SLC4A4: variants seen among roughly 807,000 people sequenced by gnomAD.
The protein encoded by SLC4A4 is solute carrier family 4 member 4.
In SLC4A4, 27 loss-of-function variants were observed where a neutral mutation model predicts 111.5. That is an observed-to-expected ratio of 0.24 (90% CI 0.18 to 0.33). The LOEUF (loss-of-function observed/expected upper bound fraction) is 0.33. Ranked by LOEUF, SLC4A4 falls within the 10% of genes least tolerant of loss-of-function variation. The pLI is 1.00. For missense variants in SLC4A4, 909 were observed against 1,315.5 expected (o/e 0.69, Z 4.78); for synonymous variants, 443 against 463.4 (o/e 0.96, Z 0.57).
At chr4:71,070,124 C>T (rs1337911316) in intron 1 of SLC4A4, among the ~76,000 whole-genome samples, 2 of 152,114 alleles carry the variant, frequency 1.3e-5, no homozygotes, top group East Asian at 1.9e-4. Flanking sequence ...TGAGTGGCAC[C>T]TGGAAGATAC....
intron 24 of SLC4A4, among the ~76,000 whole-genome samples, chr4:71,565,982 C>G (rs977574877): frequency 7.9e-5 from 12 of 151,748 alleles, no homozygotes; most frequent in Non-Finnish European, 1.5e-4. Context: ...AGTAACGGAC[C>G]ATTACTTCTG....
chr4:71,103,056 A>G (rs1425862854), intron 2 of SLC4A4, among the ~76,000 whole-genome samples: 1 of 151,668 alleles, frequency 6.6e-6, no homozygotes. Flanking sequence ...CATAGGCTCA[A>G]AATAAAAGGT....
At chr4:71,337,551 A>G (rs565127565) in intron 3 of SLC4A4, among the ~76,000 whole-genome samples, 1 of 152,142 alleles carries the variant, frequency 6.6e-6, no homozygotes, top group Non-Finnish European at 1.5e-5. Flanking sequence ...TGCTAGAATG[A>G]TCACCTCTGT....
At chr4:71,089,982 C>T (rs1465438417) in intron 1 of SLC4A4, among the ~76,000 whole-genome samples, 1 of 148,066 alleles carries the variant, frequency 6.8e-6, no homozygotes. Context: ...TGGCTATGCC[C>T]TGCCCCCAGA....
chr4:71,359,011 G>A (rs1730528195), intron 6 of SLC4A4, among the ~76,000 whole-genome samples: 1 of 152,150 alleles, frequency 6.6e-6, no homozygotes, highest in Non-Finnish European at 1.5e-5. Context: ...AAAAAGAAGT[G>A]GAATGAATAT....
At chr4:71,388,480 T>C (rs1238727730) in intron 6 of SLC4A4, among the ~76,000 whole-genome samples, 2 of 152,210 alleles carry the variant, frequency 1.3e-5, no homozygotes, top group African/African-American at 4.8e-5. Context: ...TGTATGTGTT[T>C]GTGAGAAAGA....
At chr4:71,258,945 A>G (rs1490591421) in intron 3 of SLC4A4, among the ~76,000 whole-genome samples, 2 of 152,196 alleles carry the variant, frequency 1.3e-5, no homozygotes, top group Non-Finnish European at 2.9e-5. Context: ...TCCACAGAGC[A>G]GGCAGCCCCC....
At chr4:71,276,229 C>T (rs769456073) in intron 3 of SLC4A4, among the ~76,000 whole-genome samples, 3 of 152,188 alleles carry the variant, frequency 2.0e-5, no homozygotes, top group Non-Finnish European at 4.4e-5. Flanking sequence ...TCCTTCAGTC[C>T]ATTTCCCCAA....
chr4:71,514,240 AT>A (rs945685959), intron 16 of SLC4A4, among the ~76,000 whole-genome samples: 4 of 152,158 alleles, frequency 2.6e-5, no homozygotes, highest in Non-Finnish European at 5.9e-5. Flanking sequence ...GGGTTGGATT[AT>A]GGGAGCAAAT....
rs548895037 is a variant in SLC4A4, at chr4:71,420,214, T to A, written c.808-20402T>A. Among the ~76,000 whole-genome samples, 29 of 152,218 alleles carry A rather than the reference T, an allele frequency of 1.9e-4. 1 individual carries two copies. In the South Asian group the frequency reaches 6.0e-3, roughly 32 times the overall value. ...GCAGAAGCCTCAGGAGCCAATGCAA[T>A]CAACTGGAAGAAAGGGTATCAGTGA... On this transcript the variant is annotated intron_variant, in intron 7 of 25. Coordinates refer to ENST00000264485, the MANE Select transcript of SLC4A4 (RefSeq NM_001098484.3).
At chr4:71,242,710 AC>A (rs1720342150) in intron 2 of SLC4A4, among the ~76,000 whole-genome samples, 3 of 151,150 alleles carry the variant, frequency 2.0e-5, no homozygotes, top group African/African-American at 7.3e-5. Context: ...TCTTTTAATT[AC>A]TTAATTAATT....
intron 1 of SLC4A4, among the ~76,000 whole-genome samples, chr4:71,084,553 C>T (rs12499184): frequency 0.54 from 82,452 of 151,684 alleles, 25,949 homozygotes; most frequent in East Asian, 0.75. Flanking sequence ...ATCCCTCCCC[C>T]CTGCCCCCAC....
At chr4:71,382,502 A>G (rs1051387055) in intron 6 of SLC4A4, among the ~76,000 whole-genome samples, 2 of 152,224 alleles carry the variant, frequency 1.3e-5, no homozygotes, top group Non-Finnish European at 2.9e-5. Context: ...CTCTGAACAC[A>G]ATCCTCACGC....
intron 16 of SLC4A4, among the ~76,000 whole-genome samples, chr4:71,521,980 G>A (rs574126156): frequency 5.9e-5 from 9 of 152,022 alleles, no homozygotes; most frequent in Non-Finnish European, 1.0e-4. Flanking sequence ...CATACCTCAC[G>A]GAGCCACTAG....
chr4:71,166,600 C>T (rs1396688865), intron 2 of SLC4A4, among the ~76,000 whole-genome samples: 3 of 152,168 alleles, frequency 2.0e-5, no homozygotes, highest in African/African-American at 7.2e-5. Flanking sequence ...AGGAAAACTG[C>T]TTATGGAATG....
At chr4:71,393,985 C>T (rs1285519887) in intron 6 of SLC4A4, among the ~76,000 whole-genome samples, 1 of 152,036 alleles carries the variant, frequency 6.6e-6, no homozygotes, top group African/African-American at 2.4e-5. Context: ...ACTGGATCCT[C>T]ATCTCTCACT....
At chr4:71,537,207 T>C (rs1253146681) in intron 18 of SLC4A4, among the ~76,000 whole-genome samples, 1 of 151,832 alleles carries the variant, frequency 6.6e-6, no homozygotes, top group African/African-American at 2.4e-5. Flanking sequence ...TCCTTCTGGG[T>C]AACAGACTCT....
rs192505077 is a variant in SLC4A4, at chr4:71,094,627, A to G, written c.-2+1835A>G. On this transcript the variant is annotated intron_variant, in intron 2 of 26. Transcript: ENST00000649996. ...GGGAAGCTCTAGGATTTTCTTTGAC[A>G]AATCCCAATATGTTAACAGGAAATA... is the stretch of plus-strand genomic sequence containing the variant. 2.2e-3 allele frequency among the ~76,000 whole-genome samples: 329 copies of G among 152,338 alleles called. 2 individuals carry two copies. The highest frequency in any genetic ancestry group is 7.6e-3 in the African/African-American group (315 of 41,574).
At chr4:71,530,245 T>A (rs1733799187) in intron 16 of SLC4A4, among the ~76,000 whole-genome samples, 1 of 152,144 alleles carries the variant, frequency 6.6e-6, no homozygotes, top group Non-Finnish European at 1.5e-5. Context: ...CTTCTAGAAC[T>A]TGAAATAACA....
Sources: gnomAD v4.1 joint callset for allele counts (sites outside exome capture counted in the v4.1 genomes callset) on GRCh38, gnomAD v4.1.1 for gene constraint, MANE v1.5 for transcripts, NCBI Gene and HGNC (gene_info 2026-07-23, HGNC 2026-07-21) for gene names.